Variants in EPHB2 observed in about 807,000 individuals in gnomAD.
EPHB2 encodes EPH receptor B2, also known as ephrin type-B receptor 2.
EPHB2 carries 18 observed loss-of-function variants against 96.4 expected under a neutral mutation model. The ratio of observed to expected loss-of-function variants is 0.19; its 90% CI spans 0.13 to 0.28. The LOEUF (loss-of-function observed/expected upper bound fraction) is 0.28. Ranked by LOEUF, EPHB2 falls within the 10% of genes least tolerant of loss-of-function variation. The pLI, the probability that EPHB2 is intolerant of heterozygous loss-of-function variation, is 1.00. For synonymous variants in EPHB2, 506 were observed against 534.1 expected (o/e 0.95, Z 0.72); for missense variants, 989 against 1,355.4 (o/e 0.73, Z 4.25).
intron 3 of EPHB2, among the ~76,000 whole-genome samples, chr1:22,834,947 T>TA (rs1277402743): frequency 1.3e-5 from 2 of 151,202 alleles, no homozygotes; most frequent in South Asian, 2.1e-4. Flanking sequence ...AAATAAAAAA[T>TA]AAAAAAAAGG....
chr1:22,887,310 T>A (rs969756667), intron 6 of EPHB2, among the ~76,000 whole-genome samples: 4 of 152,058 alleles, frequency 2.6e-5, no homozygotes, highest in Admixed American at 1.3e-4. Context: ...GTGGTAGGAT[T>A]TATTCCAGCA....
chr1:22,834,230 G>A (rs1028039708), intron 3 of EPHB2, among the ~76,000 whole-genome samples: 1 of 152,086 alleles, frequency 6.6e-6, no homozygotes, highest in Non-Finnish European at 1.5e-5. Context: ...TTCCCCCTCA[G>A]ATTTACCACA....
At chr1:22,803,989 A>G (rs1347825881) in intron 3 of EPHB2, among the ~76,000 whole-genome samples, 2 of 152,098 alleles carry the variant, frequency 1.3e-5, no homozygotes, top group Admixed American at 1.3e-4. Flanking sequence ...GAGATCTGGA[A>G]TTTCTGTGGT....
At chr1:22,734,004 A>C (rs1009196847) in intron 1 of EPHB2, among the ~76,000 whole-genome samples, 2 of 152,320 alleles carry the variant, frequency 1.3e-5, no homozygotes, top group African/African-American at 4.8e-5. Context: ...CCTGATCCCC[A>C]AAAACAAAAC....
At chr1:22,746,733 G>A (rs1643980490) in intron 1 of EPHB2, among the ~76,000 whole-genome samples, 1 of 152,152 alleles carries the variant, frequency 6.6e-6, no homozygotes, top group South Asian at 2.1e-4. Context: ...CACCTTTCAG[G>A]ATGCAGAAGT....
At chr1:22,861,120 A>G (rs79416159) in intron 3 of EPHB2, among the ~76,000 whole-genome samples, 3,149 of 152,342 alleles carry the variant, frequency 0.021, 107 homozygotes, top group African/African-American at 0.072. Flanking sequence ...AAGTGTTTTT[A>G]CATAAGTTAA....
At position 22,733,577 on chromosome 1, in the gene EPHB2, T is replaced by C. The variant is rs550893934; in HGVS notation, c.61+22534T>C. Among the ~76,000 whole-genome samples the C allele has an allele frequency of 1.3e-5, 2 of 152,342 alleles. No homozygotes were observed. Among genetic ancestry groups the C allele is most frequent in the African/African-American group, 4.8e-5 (2 of 41,576 alleles). ...TATACCATGGCCTTATTATGTGCCATGTTGCCATGCTGAATCCACCACTGT... is the reference window on the plus strand; with the variant it reads ...TATACCATGGCCTTATTATGTGCCACGTTGCCATGCTGAATCCACCACTGT... On this transcript the variant is annotated intron_variant, in intron 1 of 15. Transcript: ENST00000374630. The surrounding 1 kb of genome is among the most constrained non-coding windows in gnomAD (Gnocchi z 4.6).
intron 3 of EPHB2, among the ~76,000 whole-genome samples, chr1:22,785,496 C>A (rs552246943): frequency 6.6e-6 from 1 of 152,340 alleles, no homozygotes; most frequent in African/African-American, 2.4e-5. Flanking sequence ...ATAGACCAGA[C>A]AATGCTGAAG....
At chr1:22,827,027 A>C (rs1378981043) in intron 3 of EPHB2, among the ~76,000 whole-genome samples, 1 of 152,158 alleles carries the variant, frequency 6.6e-6, no homozygotes, top group Non-Finnish European at 1.5e-5. Context: ...GTTTTTCCTG[A>C]AATTCTTAGT....
chr1:22,907,097 T>A (rs1438050493), intron 11 of EPHB2, 140 bp downstream of exon 11: 1 of 1,216,424 alleles, frequency 8.2e-7, no homozygotes, highest in Non-Finnish European at 1.1e-6. Flanking sequence ...CACTTTCCAT[T>A]CCCTTATCCA....
chr1:22,909,221 G>C (rs745722713), intron 13 of EPHB2, 50 bp downstream of exon 13: 5 of 1,613,692 alleles, frequency 3.1e-6, no homozygotes, highest in Non-Finnish European at 4.2e-6. Context: ...CCAGATGGGA[G>C]AGGGAAGATC....
intron 11 of EPHB2, 54 bp downstream of exon 11, chr1:22,907,011 A>G: frequency 6.4e-7 from 1 of 1,555,128 alleles, no homozygotes; most frequent in South Asian, 1.2e-5. Context: ...AAAAGGAACG[A>G]TGGACATAGC....
At chr1:22,775,443 G>A (rs563269454) in intron 1 of EPHB2, among the ~76,000 whole-genome samples, 15 of 152,382 alleles carry the variant, frequency 9.8e-5, no homozygotes, top group African/African-American at 3.6e-4. Flanking sequence ...AACAGCATCT[G>A]TGGTCCTAGA....
intron 6 of EPHB2, among the ~76,000 whole-genome samples, chr1:22,890,540 G>A (rs779436861): frequency 6.6e-5 from 10 of 152,106 alleles, no homozygotes; most frequent in Middle Eastern, 3.2e-3. Flanking sequence ...TTGTCTGGGT[G>A]GTTCCTGTTT....
intron 3 of EPHB2, among the ~76,000 whole-genome samples, chr1:22,855,758 A>G (rs573690950): frequency 6.6e-6 from 1 of 152,354 alleles, no homozygotes; most frequent in Admixed American, 6.5e-5. Flanking sequence ...TAACTTGTTT[A>G]ATCTTCCCAA....
At chr1:22,779,992 C>T (rs990417938) in intron 1 of EPHB2, among the ~76,000 whole-genome samples, 4 of 152,192 alleles carry the variant, frequency 2.6e-5, no homozygotes, top group African/African-American at 9.7e-5. Context: ...TTTATATTCA[C>T]ACCTCATCTC....
At chr1:22,910,727 T>C in intron 14 of EPHB2, 152 bp downstream of exon 14, 1 of 1,033,720 alleles carries the variant, frequency 9.7e-7, no homozygotes, top group South Asian at 1.4e-5. Context: ...CTGCCCTGCC[T>C]TAGGGGTGCA....
At chr1:22,895,690 T>C in intron 8 of EPHB2, 110 bp downstream of exon 8, 1 of 1,029,824 alleles carries the variant, frequency 9.7e-7, no homozygotes, top group East Asian at 2.5e-5. Context: ...ATTCTCACAA[T>C]TGCAGGGAGA....
chr1:22,779,258 T>C (rs1422788212), intron 1 of EPHB2, among the ~76,000 whole-genome samples: 1 of 152,148 alleles, frequency 6.6e-6, no homozygotes, highest in East Asian at 1.9e-4. Flanking sequence ...CAATTTGCCA[T>C]CAAAAAGATG....
Sources: allele counts gnomAD v4.1 joint callset (sites outside exome capture counted in the v4.1 genomes callset), GRCh38; gene constraint gnomAD v4.1.1; non-coding constraint Gnocchi (gnomAD v3.1); transcripts MANE v1.5; gene names NCBI Gene and HGNC (gene_info 2026-07-23, HGNC 2026-07-21).